Variants in ARMC10 observed in about 807,000 individuals in gnomAD.
ARMC10 encodes the protein armadillo repeat containing 10, also known as armadillo repeat-containing protein 10.
ARMC10 carries 23 observed loss-of-function variants against 30.2 expected under a neutral mutation model. That is an observed-to-expected ratio of 0.76 (90% CI 0.55 to 1.08). The LOEUF is 1.08. ARMC10 is among the 50% of genes least tolerant of loss of function. The pLI is 0.00. For missense variants in ARMC10, 303 were observed against 413.7 expected, an observed-to-expected ratio of 0.73 and a Z score of 2.32; for synonymous variants, 111 against 164.4, an observed-to-expected ratio of 0.68 and a Z score of 2.48.
intron 2 of ARMC10, among the ~76,000 whole-genome samples, chr7:103,083,398 T>A (rs1312742699): frequency 1.3e-5 from 2 of 152,168 alleles, no homozygotes; most frequent in African/African-American, 4.8e-5. Context: ...GCAGGAGGAC[T>A]GCTTGAGGTT....
chr7:103,096,511 A>G, intron 5 of ARMC10: 1 of 152,204 alleles, frequency 6.6e-6, no homozygotes, highest in East Asian at 1.9e-4. Context: ...TTTAAGTAGA[A>G]ATGAGCTGAG....
intron 2 of ARMC10, 25 bp downstream of exon 2, chr7:103,075,906 G>A (rs1251517570): frequency 6.6e-7 from 1 of 1,518,316 alleles, no homozygotes; most frequent in African/African-American, 1.4e-5. Context: ...AATGGGAACA[G>A]TTGTCTGCGC....
intron 4 of ARMC10, 25 bp downstream of exon 4, chr7:103,086,789 G>A (rs775358434): frequency 2.3e-5 from 36 of 1,589,364 alleles, no homozygotes; most frequent in Non-Finnish European, 3.1e-5. Flanking sequence ...AATCACAAAT[G>A]TATAAGGTTT....
intron 2 of ARMC10, among the ~76,000 whole-genome samples, chr7:103,079,404 GTTC>G (rs1800180331): frequency 6.6e-6 from 1 of 151,554 alleles, no homozygotes; most frequent in African/African-American, 2.4e-5. Flanking sequence ...AGAAGGAAAT[GTTC>G]TTAAGTTGAT....
At chr7:103,080,893 TG>T (rs1284010295) in intron 2 of ARMC10, among the ~76,000 whole-genome samples, 1 of 152,212 alleles carries the variant, frequency 6.6e-6, no homozygotes, top group African/African-American at 2.4e-5. Context: ...CCCAGAGTGC[TG>T]GGATTACAGG....
rs770275297 is a variant in ARMC10 at position 103,078,687 on chromosome 7, G to A, written c.244+2806G>A. 4.8e-4 allele frequency among the ~76,000 whole-genome samples: 73 copies of A among 151,786 alleles called. 1 individual carries two copies. Among genetic ancestry groups the A allele is most frequent in the Admixed American group, 6.6e-4 (10 of 15,248 alleles). On this transcript the variant is annotated intron_variant, in intron 2 of 6. Transcript: ENST00000323716. ...TTGTTTTGTTTTTGTTTTTTTTTGA[G>A]ACGGAGTCTTGCTCTGTTGCCCAGG...
chr7:103,082,742 A>G (rs1585737661), intron 2 of ARMC10, among the ~76,000 whole-genome samples: 1 of 151,836 alleles, frequency 6.6e-6, no homozygotes, highest in African/African-American at 2.4e-5. Flanking sequence ...CCCCAGTAAG[A>G]GTGTTATAAA....
At chr7:103,082,951 AAAAATG>A (rs1391462221) in intron 2 of ARMC10, 3 of 411,560 alleles carry the variant, frequency 7.3e-6, no homozygotes, top group Non-Finnish European at 1.5e-5. Flanking sequence ...TAAATCAAAC[AAAAATG>A]CCACACTAGC....
At position 103,092,759 on chromosome 7, in the gene ARMC10, A is replaced by T. The variant is rs1439376098; in HGVS notation, c.705+106A>T. On this transcript the variant is annotated intron_variant, in intron 5 of 6. Coordinates refer to ENST00000323716, the MANE Select transcript of ARMC10 (RefSeq NM_031905.5). ...AGAGGAAGATTTATTAAAAACTCAC[A>T]TGGGCCCAAGAAAGTATATTATTTT... 5.2e-6 allele frequency: 4 copies of T among 762,984 alleles called. No individual in the cohort carries two copies. The Admixed American group carries it at 1.0e-4, about 20-fold the overall frequency. 47.3% of individuals were successfully genotyped at this position (762,984 alleles called of 1,614,324 possible). A position where few individuals can be genotyped will look rare whatever the true frequency, so the allele number is the denominator to read the frequency against.
chr7:103,097,495 T>C (rs1801852496), intron 6 of ARMC10, 147 bp downstream of exon 6: 3 of 522,124 alleles, frequency 5.7e-6, no homozygotes, highest in African/African-American at 3.9e-5. Flanking sequence ...TCATTTTGTA[T>C]GTGTAAATTT....
At position 103,075,290 on chromosome 7, in the gene ARMC10, C is replaced by G; in HGVS notation, c.18C>G (p.Gly6=). Residue 6 remains glycine, a synonymous_variant, in exon 1 of 7, where the codon GGC becomes GGG. Coordinates refer to ENST00000323716, the MANE Select transcript of ARMC10 (RefSeq NM_031905.5). ...GCGGCAGCATGGGTGGCCCCCGGGG[C>G]GCGGGCTGGGTGGCGGCGGGCCTGC... MGGPR[G]AGWVAAGLLL... 1 of 1,223,686 alleles carries G rather than the reference C, an allele frequency of 8.2e-7. No homozygotes were observed. Among genetic ancestry groups the G allele is most frequent in the Non-Finnish European group, 1.0e-6 (1 of 982,248 alleles). 75.8% of individuals were successfully genotyped at this position (1,223,686 alleles called of 1,614,324 possible).
chr7:103,076,949 G>A lies in ARMC10; in HGVS notation c.244+1068G>A, dbSNP rs529660678. On this transcript the variant is annotated intron_variant, in intron 2 of 6. Coordinates refer to ENST00000323716, the MANE Select transcript of ARMC10 (RefSeq NM_031905.5). The stretch of plus-strand genomic sequence containing the variant: ...TGTCACCCAGGCTCGGTGCAGTGGC[G>A]CAATCACAGCTGCAGCGGCGCAATC... Among the ~76,000 whole-genome samples, 544 of 152,004 alleles carry A rather than the reference G, an allele frequency of 3.6e-3. 1 individual carries two copies. The highest frequency in any genetic ancestry group is 0.01 in the Middle Eastern group (3 of 294).
intron 4 of ARMC10, 123 bp from the exon 5 acceptor site, chr7:103,092,354 C>A (rs1401036844): frequency 3.0e-5 from 11 of 364,090 alleles, no homozygotes; most frequent in Admixed American, 2.0e-4. Context: ...AAAAAAAAGT[C>A]GTATTTTTTG....
In ARMC10 at chr7:103,075,168, G is replaced by A. The variant is rs1458502518; in HGVS notation, c.-105G>A. ...TCCTTTCTCCACATCCAGGTCAGGT[G>A]GCGTTTGCTGTGGCGGCTAGGCCCG... On this transcript the variant is annotated 5_prime_UTR_variant, in exon 1 of 7. Coordinates refer to ENST00000323716, the MANE Select transcript of ARMC10 (RefSeq NM_031905.5). 1 of 788,738 alleles carries A rather than the reference G, an allele frequency of 1.3e-6. No homozygotes were observed. Among genetic ancestry groups the A allele is most frequent in the Admixed American group, 5.2e-5 (1 of 19,202 alleles). 48.9% of individuals were successfully genotyped at this position (788,738 alleles called of 1,614,324 possible).
Position 103,095,328 on chromosome 7 carries a change from A to G in ARMC10, c.706-1949A>G, listed in dbSNP as rs569283094. 3.5e-4 allele frequency among the ~76,000 whole-genome samples: 53 copies of G among 152,312 alleles called. 1 individual carries two copies. In the South Asian group the frequency reaches 3.7e-3, roughly 11 times the overall value. ...ATGTTGCTCTTGAACTCCTGAGCTC[A>G]AGTGATCTGCCCACCTTGGCCTCCC... is the stretch of plus-strand genomic sequence containing the variant. On this transcript the variant is annotated intron_variant, in intron 5 of 6. Coordinates refer to ENST00000323716, the MANE Select transcript of ARMC10 (RefSeq NM_031905.5).
At chr7:103,098,240 C>T (rs1801945214) in intron 6 of ARMC10, 59 bp from the exon 7 acceptor site, 4 of 1,216,100 alleles carry the variant, frequency 3.3e-6, no homozygotes, top group Non-Finnish European at 4.2e-6. Flanking sequence ...TTAAAATATA[C>T]ATGAAAAAGT....
chr7:103,091,898 T>C (rs1801370917), intron 4 of ARMC10, among the ~76,000 whole-genome samples: 1 of 152,204 alleles, frequency 6.6e-6, no homozygotes, highest in African/African-American at 2.4e-5. Context: ...GTCTGCAAGA[T>C]AGCCGTAATA....
At chr7:103,076,101 T>C (rs764928027) in intron 2 of ARMC10, among the ~76,000 whole-genome samples, 2 of 152,204 alleles carry the variant, frequency 1.3e-5, no homozygotes, top group Admixed American at 1.3e-4. Context: ...AACAGCTTCA[T>C]TGTTGAATAA....
At chr7:103,092,135 A>T (rs577825516) in intron 4 of ARMC10, among the ~76,000 whole-genome samples, 4 of 152,266 alleles carry the variant, frequency 2.6e-5, no homozygotes, top group Admixed American at 2.6e-4. Context: ...GATCGAGACC[A>T]TCGTGGCTAA....
Sources: gnomAD v4.1 joint callset for allele counts (sites outside exome capture counted in the v4.1 genomes callset) on GRCh38, gnomAD v4.1.1 for gene constraint, MANE v1.5 for transcripts, NCBI Gene and HGNC (gene_info 2026-07-23, HGNC 2026-07-21) for gene names.